The following DUSP16 variants were observed in gnomAD, a reference collection of about 807,000 sequenced individuals.
The protein encoded by DUSP16 is dual specificity phosphatase 16.
Under a neutral mutation model 58.3 loss-of-function variants are expected in DUSP16, and 21 were observed. That is an observed-to-expected ratio of 0.36 (90% CI 0.26 to 0.52). DUSP16 has a LOEUF of 0.52. Among genes scored for constraint, DUSP16 ranks in the 20% least tolerant of loss-of-function variants. DUSP16 has a pLI of 0.94. For missense variants in DUSP16, 726 were observed against 819.0 expected (o/e 0.89, Z 1.39); for synonymous variants, 320 against 323.8 (o/e 0.99, Z 0.12).
intron 4 of DUSP16, among the ~76,000 whole-genome samples, chr12:12,498,966 G>GGA: frequency 6.6e-6 from 1 of 152,132 alleles, no homozygotes; most frequent in Middle Eastern, 3.4e-3. Context: ...AGAAGCCAGA[G>GGA]TTAAAAAAAG....
chr12:12,492,184 C>G (rs940864151), intron 4 of DUSP16, among the ~76,000 whole-genome samples: 4 of 152,204 alleles, frequency 2.6e-5, no homozygotes, highest in African/African-American at 9.6e-5. Context: ...CCTCAGCAAT[C>G]TCTGTATTTC....
At chr12:12,489,436 C>A (rs1266388009) in intron 4 of DUSP16, among the ~76,000 whole-genome samples, 1 of 152,196 alleles carries the variant, frequency 6.6e-6, no homozygotes, top group East Asian at 1.9e-4. Flanking sequence ...CATGTAAGAA[C>A]AGAAGTGGGT....
chr12:12,488,972 G>A (rs573395235), intron 4 of DUSP16, among the ~76,000 whole-genome samples: 29 of 152,234 alleles, frequency 1.9e-4, no homozygotes, highest in African/African-American at 5.8e-4. Context: ...CCAGCTACTC[G>A]GGAAAGTTGA....
intron 2 of DUSP16, among the ~76,000 whole-genome samples, 194 bp downstream of exon 2, chr12:12,520,677 A>G (rs1355911662): frequency 6.6e-6 from 1 of 152,244 alleles, no homozygotes; most frequent in East Asian, 1.9e-4. Flanking sequence ...TTAATCCTTC[A>G]TAGTTTAGAA....
intron 3 of DUSP16, among the ~76,000 whole-genome samples, chr12:12,501,938 C>T (rs560358624): frequency 1.3e-5 from 2 of 151,856 alleles, no homozygotes; most frequent in Non-Finnish European, 2.9e-5. Context: ...TGCAGTGAGC[C>T]GAGATTGCGC....
chr12:12,510,155 CAG>C (rs1944054621), intron 3 of DUSP16, among the ~76,000 whole-genome samples: 1 of 152,060 alleles, frequency 6.6e-6, no homozygotes, highest in South Asian at 2.1e-4. Context: ...CTCAGGGAAT[CAG>C]GGCACATCCC....
chr12:12,524,398 G>A lies in DUSP16; in HGVS notation c.-365-2935C>T, dbSNP rs530740602. Among the ~76,000 whole-genome samples the A allele has an allele frequency of 3.3e-5, 5 of 152,340 alleles. No individual in the cohort carries two copies. The East Asian group carries it at 9.6e-4, about 29-fold the overall frequency. ...TCTAATTCTCTGTAGTGCTAAATGG[G>A]TGAGGTGAGAGGCAGAGCCCTGCCA... On this transcript the variant is annotated intron_variant, in intron 1 of 6. Coordinates refer to ENST00000298573, the MANE Select transcript of DUSP16 (RefSeq NM_030640.3).
At chr12:12,492,461 G>A (rs912114491) in intron 4 of DUSP16, among the ~76,000 whole-genome samples, 4 of 151,932 alleles carry the variant, frequency 2.6e-5, no homozygotes, top group East Asian at 1.9e-4. Flanking sequence ...CAATCCCTCC[G>A]CTTGCTAAAT....
At chr12:12,534,065 CAG>C (rs530643630) in intron 1 of DUSP16, among the ~76,000 whole-genome samples, 73 of 152,264 alleles carry the variant, frequency 4.8e-4, no homozygotes, top group African/African-American at 1.7e-3. Context: ...TCCTTTGTGA[CAG>C]GGGATTTTCA....
intron 1 of DUSP16, among the ~76,000 whole-genome samples, chr12:12,544,859 T>C (rs934007170): frequency 3.3e-5 from 5 of 152,342 alleles, no homozygotes; most frequent in South Asian, 2.1e-4. Flanking sequence ...AGATAGGCAA[T>C]TGACGTAGGA....
chr12:12,519,491 G>A (rs1176548645), intron 3 of DUSP16, among the ~76,000 whole-genome samples: 1 of 152,168 alleles, frequency 6.6e-6, no homozygotes, highest in Non-Finnish European at 1.5e-5. Flanking sequence ...TCTGGTTCTT[G>A]CCACAGGGGT....
intron 1 of DUSP16, among the ~76,000 whole-genome samples, chr12:12,539,939 G>A (rs1051506014): frequency 2.0e-5 from 3 of 151,784 alleles, no homozygotes; most frequent in Admixed American, 2.0e-4. Flanking sequence ...CCAGCTACTC[G>A]GGAGGCTGGG....
At chr12:12,556,981 T>C (rs1045753859) in intron 1 of DUSP16, among the ~76,000 whole-genome samples, 1 of 152,172 alleles carries the variant, frequency 6.6e-6, no homozygotes. Context: ...AGCTTCACTT[T>C]ATGACACTAT....
rs544718104 is a variant in DUSP16, at chr12:12,476,594, C to T, written c.*239G>A. On this transcript the variant is annotated 3_prime_UTR_variant, in exon 7 of 7. Coordinates refer to ENST00000298573, the MANE Select transcript of DUSP16 (RefSeq NM_030640.3). ...TTCACTGAATAAAATGGTTTTCCTC[C>T]GTCTAGGGGGGATTCTAGCATCTGC... The T allele has an allele frequency of 4.4e-5, 17 of 386,498 alleles. No individual in the cohort carries two copies. Among genetic ancestry groups the T allele is most frequent in the East Asian group, 2.1e-4 (5 of 24,148 alleles). 23.9% of individuals were successfully genotyped at this position (386,498 alleles called of 1,614,324 possible). A position where few individuals can be genotyped will look rare whatever the true frequency, so the allele number is the denominator to read the frequency against.
chr12:12,509,002 G>C (rs903803914), intron 3 of DUSP16, among the ~76,000 whole-genome samples: 2 of 152,172 alleles, frequency 1.3e-5, no homozygotes, highest in African/African-American at 4.8e-5. Flanking sequence ...ATTCAAGAAG[G>C]AAGAGTTCTC....
At chr12:12,542,847 T>C (rs531137354) in intron 1 of DUSP16, among the ~76,000 whole-genome samples, 4 of 152,186 alleles carry the variant, frequency 2.6e-5, no homozygotes, top group African/African-American at 9.6e-5. Flanking sequence ...CCTAAGTCCA[T>C]TGTGATAGTA....
In DUSP16 at chr12:12,473,913, A is replaced by G. The variant is rs1418481849; in HGVS notation, c.*2920T>C. On this transcript the variant is annotated 3_prime_UTR_variant, in exon 7 of 7. Transcript: ENST00000298573. ...TGTAGCTGGCCTTTTTTTTCCTACC[A>G]TGTACTTGTGTGTTCTGGAATCAGT... Among the ~76,000 whole-genome samples, 1 of 152,144 alleles carries G rather than the reference A, an allele frequency of 6.6e-6. No homozygotes were observed. Among genetic ancestry groups the G allele is most frequent in the African/African-American group, 2.4e-5 (1 of 41,424 alleles).
chr12:12,543,680 A>T (rs1481431293), intron 1 of DUSP16, among the ~76,000 whole-genome samples: 1 of 152,190 alleles, frequency 6.6e-6, no homozygotes, highest in African/African-American at 2.4e-5. Context: ...ATGTAAAAAG[A>T]AAGATGTCTA....
At chr12:12,530,996 A>G (rs982083342) in intron 1 of DUSP16, among the ~76,000 whole-genome samples, 2 of 152,210 alleles carry the variant, frequency 1.3e-5, no homozygotes, top group Non-Finnish European at 2.9e-5. Flanking sequence ...TAACACTAAA[A>G]TAAGTTTATA....
Sources: allele counts gnomAD v4.1 joint callset (sites outside exome capture counted in the v4.1 genomes callset), GRCh38; gene constraint gnomAD v4.1.1; transcripts MANE v1.5; gene names NCBI Gene and HGNC (gene_info 2026-07-23, HGNC 2026-07-21).